The following CRB1 variants were observed in gnomAD, a reference collection of about 807,000 sequenced individuals.
The protein encoded by CRB1 is crumbs cell polarity complex component 1, also known as protein crumbs homolog 1.
A neutral mutation model predicts 120.0 loss-of-function variants in CRB1; 83 were observed. The ratio of observed to expected loss-of-function variants is 0.69; its 90% CI spans 0.58 to 0.83. CRB1 has a LOEUF of 0.83. Ranked by LOEUF, CRB1 falls within the 40% of genes least tolerant of loss-of-function variation. CRB1 has a pLI of 0.00. For missense variants in CRB1, 1,699 were observed against 1,687.6 expected (o/e 1.01, Z -0.12); for synonymous variants, 625 against 612.5 (o/e 1.02, Z -0.30).
At chr1:197,313,157 G>C (rs1657647489) in intron 1 of CRB1, among the ~76,000 whole-genome samples, 1 of 152,120 alleles carries the variant, frequency 6.6e-6, no homozygotes, top group Non-Finnish European at 1.5e-5. Context: ...TGGTGGAGGG[G>C]AAGTGCCACA....
In CRB1 at chr1:197,396,666, T is replaced by TA. The variant is rs570546238; in HGVS notation, c.1172-24333dup. Reference sequence around the variant, plus strand: ...GAATGCAGAAATAGGCTCACACACTTATGATTAATTCATTTTAAACAAAGG... The same window carrying TA: ...GAATGCAGAAATAGGCTCACACACTTAATGATTAATTCATTTTAAACAAAGG... On this transcript the variant is annotated intron_variant, in intron 5 of 11. Coordinates refer to ENST00000367400, the MANE Select transcript of CRB1 (RefSeq NM_201253.3). Among the ~76,000 whole-genome samples the TA allele has an allele frequency of 7.2e-5, 11 of 152,224 alleles. No individual in the cohort carries two copies. In the South Asian group the frequency reaches 2.3e-3, roughly 32 times the overall value.
At chr1:197,459,482 G>T (rs186405000) in intron 11 of CRB1, among the ~76,000 whole-genome samples, 2 of 152,066 alleles carry the variant, frequency 1.3e-5, no homozygotes, top group African/African-American at 2.4e-5. Flanking sequence ...CCCATTTCCT[G>T]GTTCGTAAAT....
chr1:197,326,848 T>G (rs1658521834), intron 1 of CRB1, among the ~76,000 whole-genome samples: 1 of 151,562 alleles, frequency 6.6e-6, no homozygotes, highest in Non-Finnish European at 1.5e-5. Context: ...GGTACTCGTG[T>G]TTTTTTGTTT....
chr1:197,313,889 A>G (rs1251369833), intron 1 of CRB1, among the ~76,000 whole-genome samples: 1 of 152,204 alleles, frequency 6.6e-6, no homozygotes, highest in Non-Finnish European at 1.5e-5. Context: ...TAAACGTGGG[A>G]GTGCAAATAT....
chr1:197,441,848 A>G, intron 10 of CRB1: 1 of 355,138 alleles, frequency 2.8e-6, no homozygotes, highest in East Asian at 6.5e-5. Flanking sequence ...AACCACACTA[A>G]TGCTCTTGAG....
the CRB1 span, chr1:197,222,802 C>T: frequency 6.8e-7 from 1 of 1,464,580 alleles, no homozygotes; most frequent in South Asian, 1.1e-5. Context: ...AGCTTGGTGT[C>T]TTGTCATAAG....
intron 5 of CRB1, among the ~76,000 whole-genome samples, chr1:197,419,902 G>A (rs1488921505): frequency 1.3e-5 from 2 of 151,216 alleles, no homozygotes; most frequent in African/African-American, 4.9e-5. Flanking sequence ...GTAAACCCGG[G>A]AGGCAGAGCT....
At chr1:197,240,140 A>G in the CRB1 span, among the ~76,000 whole-genome samples, 1 of 152,064 alleles carries the variant, frequency 6.6e-6, no homozygotes, top group African/African-American at 2.4e-5. Context: ...TGTTGTCTTC[A>G]CTTGTATTTT....
At chr1:197,406,583 AT>A (rs1438901111) in intron 5 of CRB1, among the ~76,000 whole-genome samples, 21 of 152,346 alleles carry the variant, frequency 1.4e-4, no homozygotes, top group African/African-American at 5.1e-4. Context: ...AAAAAAATAA[AT>A]AAATAAAAAA....
At chr1:197,244,057 C>T in the CRB1 span, among the ~76,000 whole-genome samples, 1 of 152,074 alleles carries the variant, frequency 6.6e-6, no homozygotes, top group Non-Finnish European at 1.5e-5. Context: ...TTATTTTGAG[C>T]CTGTGTGTGT....
At chr1:197,301,375 AGGAT>A (rs1656853303) in intron 1 of CRB1, among the ~76,000 whole-genome samples, 2 of 152,294 alleles carry the variant, frequency 1.3e-5, no homozygotes, top group South Asian at 2.1e-4. Context: ...CATGTTGGCC[AGGAT>A]GGTCTCAAAC....
chr1:197,371,081 G>A (rs2125382411), intron 5 of CRB1, among the ~76,000 whole-genome samples: 1 of 152,136 alleles, frequency 6.6e-6, no homozygotes, highest in East Asian at 1.9e-4. Flanking sequence ...TTTTTCCGTT[G>A]AGCCTAGTCT....
chr1:197,421,194 T>C lies in CRB1; in HGVS notation c.1366T>C (p.Cys456Arg). 1 of 1,614,244 alleles carries C rather than the reference T, an allele frequency of 6.2e-7. No individual in the cohort carries two copies. The highest frequency in any genetic ancestry group is 8.5e-7 in the Non-Finnish European group (1 of 1,180,046). Residue 456 changes from cysteine (C) to arginine (R), a missense_variant, in exon 6 of 12, where the codon TGC (cysteine) becomes CGC (arginine). By Grantham distance (180) the Cys-to-Arg change is radical (BLOSUM62 -3). Transcript: ENST00000367400. ...TCAGCAATGTCTAAATAATGGAACA[T>C]GCATCCCTCACTTCCAAGATGGCCA... The part of the protein sequence containing the change: ...THQQCLNNGT[C>R]IPHFQDGQHG...
chr1:197,237,967 A>G, the CRB1 span, among the ~76,000 whole-genome samples: 1 of 152,148 alleles, frequency 6.6e-6, no homozygotes, highest in Non-Finnish European at 1.5e-5. Context: ...TATCTTCTCT[A>G]ATGAATGCAT....
rs78735226 is a variant in CRB1 at position 197,437,490 on chromosome 1, G to C, written c.3750-1057G>C. Among the ~76,000 whole-genome samples the C allele has an allele frequency of 2.4e-4, 37 of 152,230 alleles. 1 individual carries two copies. In the East Asian group the frequency reaches 7.1e-3, roughly 29 times the overall value. On this transcript the variant is annotated intron_variant, in intron 9 of 11. Transcript: ENST00000367400. The stretch of plus-strand genomic sequence containing the variant: ...TTTCTGCCTAATTCATTAAAGTCAA[G>C]TTCTGAAAGATGAAAGCCCTCAAAA...
intron 11 of CRB1, among the ~76,000 whole-genome samples, chr1:197,472,502 A>G (rs1287279758): frequency 2.6e-5 from 4 of 152,126 alleles, no homozygotes; most frequent in Non-Finnish European, 5.9e-5. Flanking sequence ...GTGAGGTTAC[A>G]TTTTCCAAAA....
chr1:197,393,640 CA>C (rs1414781498), intron 5 of CRB1, among the ~76,000 whole-genome samples: 1 of 151,852 alleles, frequency 6.6e-6, no homozygotes, highest in Non-Finnish European at 1.5e-5. Flanking sequence ...AACTCTCTAC[CA>C]AAAAAAGTAT....
intron 3 of CRB1, 82 bp downstream of exon 3, chr1:197,344,558 C>T: frequency 3.0e-6 from 4 of 1,351,734 alleles, no homozygotes; most frequent in Non-Finnish European, 3.2e-6. Context: ...ATTTAGAGCT[C>T]TCACGTTCTC....
intron 9 of CRB1, among the ~76,000 whole-genome samples, chr1:197,437,428 AAC>A (rs1235183112): frequency 6.6e-6 from 1 of 152,170 alleles, no homozygotes; most frequent in Non-Finnish European, 1.5e-5. Context: ...AAGTAAAATA[AAC>A]ACATAGGCCC....
Sources: gnomAD v4.1 joint callset for allele counts (sites outside exome capture counted in the v4.1 genomes callset) on GRCh38, gnomAD v4.1.1 for gene constraint, MANE v1.5 for transcripts, NCBI Gene and HGNC (gene_info 2026-07-23, HGNC 2026-07-21) for gene names.